Variants in R3HDM1 observed in about 807,000 individuals in gnomAD.
The protein encoded by R3HDM1 is R3H domain-containing protein 1.
A neutral mutation model predicts 141.1 loss-of-function variants in R3HDM1; 46 were observed. The ratio of observed to expected loss-of-function variants is 0.33; its 90% CI spans 0.26 to 0.42. R3HDM1 has a LOEUF of 0.42. R3HDM1 is among the 10% of genes least tolerant of loss of function. The pLI, the probability that R3HDM1 is intolerant of heterozygous loss-of-function variation, is 1.00. For synonymous variants in R3HDM1, 435 were observed against 472.9 expected (o/e 0.92, Z 1.04); for missense variants, 1,184 against 1,368.3 (o/e 0.87, Z 2.12).
intron 21 of R3HDM1, among the ~76,000 whole-genome samples, chr2:135,699,042 GATAA>G (rs1340235070): frequency 1.1e-5 from 1 of 91,156 alleles, no homozygotes; most frequent in African/African-American, 3.9e-5. Context: ...TAGATAGATA[GATAA>G]GATAGATAAG....
chr2:135,699,062 T>TAAGA (rs2073833023), intron 21 of R3HDM1, among the ~76,000 whole-genome samples: 1 of 99,254 alleles, frequency 1.0e-5, no homozygotes, highest in African/African-American at 3.6e-5. Flanking sequence ...ATAAGATAGA[T>TAAGA]TGATTAGATA....
At chr2:135,574,323 A>G (rs1158916429) in intron 1 of R3HDM1, among the ~76,000 whole-genome samples, 1 of 152,236 alleles carries the variant, frequency 6.6e-6, no homozygotes, top group African/African-American at 2.4e-5. Flanking sequence ...GAAGTTGAAG[A>G]GACTAATTTC....
At chr2:135,597,291 T>A in intron 1 of R3HDM1, 2 of 972,722 alleles carry the variant, frequency 2.1e-6, no homozygotes, top group Non-Finnish European at 2.4e-6. Context: ...TCTTTTTAAA[T>A]GTAACTGATA....
chr2:135,653,415 T>C (rs2105284164), intron 18 of R3HDM1, among the ~76,000 whole-genome samples: 1 of 152,308 alleles, frequency 6.6e-6, no homozygotes, highest in Non-Finnish European at 1.5e-5. Flanking sequence ...TTTAGATTTT[T>C]CTTCTAATAG....
At chr2:135,577,430 A>G (rs1359164697) in intron 1 of R3HDM1, among the ~76,000 whole-genome samples, 1 of 148,164 alleles carries the variant, frequency 6.7e-6, no homozygotes, top group African/African-American at 2.5e-5. Context: ...AAAAAAAAAA[A>G]AAAAAAAAAA....
intron 1 of R3HDM1, among the ~76,000 whole-genome samples, chr2:135,538,878 T>C (rs1356819332): frequency 6.6e-6 from 1 of 152,246 alleles, no homozygotes; most frequent in Admixed American, 6.5e-5. Flanking sequence ...CCTCCCAATG[T>C]GCTTGGATTA....
chr2:135,684,085 GT>G (rs1309280738), intron 21 of R3HDM1, among the ~76,000 whole-genome samples: 1 of 151,732 alleles, frequency 6.6e-6, no homozygotes, highest in Non-Finnish European at 1.5e-5. Context: ...GTTTTGTTTT[GT>G]TTTGTTTTTG....
At chr2:135,718,338 A>G (rs1344000479) in intron 24 of R3HDM1, among the ~76,000 whole-genome samples, 1 of 152,190 alleles carries the variant, frequency 6.6e-6, no homozygotes, top group Non-Finnish European at 1.5e-5. Flanking sequence ...ATTGTATTGT[A>G]TGTTAATTAT....
At chr2:135,704,477 CTTT>C (rs35704564) in intron 21 of R3HDM1, among the ~76,000 whole-genome samples, 40 of 131,300 alleles carry the variant, frequency 3.0e-4, no homozygotes, top group Non-Finnish European at 3.8e-4. Context: ...TGCATGCATG[CTTT>C]TTTTTTTTTT....
intron 14 of R3HDM1, 124 bp downstream of exon 14, chr2:135,639,246 G>C (rs1472117538): frequency 4.5e-6 from 4 of 885,304 alleles, no homozygotes; most frequent in African/African-American, 1.7e-5. Context: ...ATAGTACCTT[G>C]ACCACCTCCG....
intron 24 of R3HDM1, among the ~76,000 whole-genome samples, chr2:135,719,529 C>G (rs2076506517): frequency 6.6e-6 from 1 of 151,780 alleles, no homozygotes; most frequent in South Asian, 2.1e-4. Context: ...TGTTTGTATA[C>G]TGAAATATTT....
intron 1 of R3HDM1, among the ~76,000 whole-genome samples, chr2:135,555,972 T>G (rs1332782737): frequency 1.3e-5 from 2 of 151,994 alleles, no homozygotes; most frequent in Admixed American, 6.6e-5. Flanking sequence ...GCCATGATCT[T>G]GCCACTGTAC....
intron 19 of R3HDM1, among the ~76,000 whole-genome samples, chr2:135,665,945 T>A (rs763941325): frequency 6.6e-6 from 1 of 152,242 alleles, no homozygotes; most frequent in Non-Finnish European, 1.5e-5. Flanking sequence ...TGTTGTTGCA[T>A]ACCTGTGGAA....
intron 1 of R3HDM1, among the ~76,000 whole-genome samples, chr2:135,559,520 TA>T (rs1701413563): frequency 6.6e-6 from 1 of 152,240 alleles, no homozygotes; most frequent in African/African-American, 2.4e-5. Flanking sequence ...GCATTTCTTC[TA>T]ATTTATACTA....
intron 1 of R3HDM1, among the ~76,000 whole-genome samples, chr2:135,594,710 T>A (rs2105075203): frequency 6.6e-6 from 1 of 152,246 alleles, no homozygotes; most frequent in Non-Finnish European, 1.5e-5. Flanking sequence ...CATTTCAGGC[T>A]TATTCACCAG....
chr2:135,676,807 T>C (rs1473349366), intron 20 of R3HDM1, among the ~76,000 whole-genome samples: 1 of 151,918 alleles, frequency 6.6e-6, no homozygotes, highest in African/African-American at 2.4e-5. Flanking sequence ...AGAGACTCAG[T>C]CACAAAAAAA....
At chr2:135,642,313 CAT>C (rs2063886672) in intron 15 of R3HDM1, among the ~76,000 whole-genome samples, 1 of 151,922 alleles carries the variant, frequency 6.6e-6, no homozygotes, top group African/African-American at 2.4e-5. Flanking sequence ...TGGGGGGAGT[CAT>C]GTATTAATAT....
At chr2:135,673,976 C>T (rs1214819226) in intron 19 of R3HDM1, among the ~76,000 whole-genome samples, 1 of 152,144 alleles carries the variant, frequency 6.6e-6, no homozygotes, top group African/African-American at 2.4e-5. Context: ...GTTGCCCAGG[C>T]TGGTCTCAAA....
chr2:135,556,164 A>G (rs938458545), intron 1 of R3HDM1, among the ~76,000 whole-genome samples: 3 of 152,232 alleles, frequency 2.0e-5, no homozygotes, highest in Non-Finnish European at 4.4e-5. Context: ...TGTCCAGAAT[A>G]GGCAAATCTA....
Sources: gnomAD v4.1 joint callset for allele counts (sites outside exome capture counted in the v4.1 genomes callset) on GRCh38, gnomAD v4.1.1 for gene constraint, MANE v1.5 for transcripts, NCBI Gene and HGNC (gene_info 2026-07-23, HGNC 2026-07-21) for gene names.